Variants in LPA observed in about 807,000 individuals in gnomAD.
LPA encodes the protein lipoprotein(a).
A neutral mutation model predicts 197.9 loss-of-function variants in LPA; 199 were observed. That is an observed-to-expected ratio of 1.01 (90% CI 0.90 to 1.13). The LOEUF (loss-of-function observed/expected upper bound fraction) is 1.13, where lower values mean the gene tolerates loss of function less well. Ranked by LOEUF, LPA falls within the 50% of genes most tolerant of loss-of-function variation. LPA has a pLI of 0.00. For missense variants in LPA, 1,853 were observed against 1,785.8 expected (o/e 1.04, Z -0.68); for synonymous variants, 715 against 639.5 (o/e 1.12, Z -1.78).
chr6:160,610,676 G>A (rs779150271), intron 16 of LPA, among the ~76,000 whole-genome samples: 11 of 151,980 alleles, frequency 7.2e-5, no homozygotes, highest in East Asian at 5.8e-4. Context: ...TATTTGTAGC[G>A]GACCTAGAAA....
intron 30 of LPA, among the ~76,000 whole-genome samples, chr6:160,555,720 T>A (rs901542673): frequency 6.6e-6 from 1 of 151,940 alleles, no homozygotes; most frequent in Non-Finnish European, 1.5e-5. Context: ...AGTGCATTGA[T>A]CTTTTATGAG....
At chr6:160,563,626 A>G (rs1778399128) in intron 28 of LPA, among the ~76,000 whole-genome samples, 1 of 152,170 alleles carries the variant, frequency 6.6e-6, no homozygotes, top group Non-Finnish European at 1.5e-5. Flanking sequence ...TATCCTTGTT[A>G]ATTTTCTGTC....
At chr6:160,575,723 G>C (rs778915907) in intron 28 of LPA, among the ~76,000 whole-genome samples, 1 of 152,098 alleles carries the variant, frequency 6.6e-6, no homozygotes, top group Non-Finnish European at 1.5e-5. Context: ...AGTGCTTTGT[G>C]AGCTCTGCCA....
At position 160,593,851 on chromosome 6, in the gene LPA, C is replaced by A. The variant is rs1055394090; in HGVS notation, c.3629+107G>T. On this transcript the variant is annotated intron_variant, in intron 22 of 38. Coordinates refer to ENST00000316300, the MANE Select transcript of LPA (RefSeq NM_005577.4). The stretch of plus-strand genomic sequence containing the variant: ...AGCCTGAGACATTCTACCCAACATT[C>A]CAGATCTGAGATAAATTTGTCATAA... 4.3e-6 allele frequency: 6 copies of A among 1,384,108 alleles called. No homozygotes were observed. The African/African-American group carries it at 7.1e-5, about 16-fold the overall frequency. 85.7% of individuals were successfully genotyped at this position (1,384,108 alleles called of 1,614,324 possible).
At chr6:160,606,867 A>G (rs561604013) in intron 16 of LPA, among the ~76,000 whole-genome samples, 4 of 152,200 alleles carry the variant, frequency 2.6e-5, no homozygotes, top group Non-Finnish European at 5.9e-5. Context: ...TTATTATAAA[A>G]AAAAATCTAA....
In LPA at chr6:160,577,280, C is replaced by A. The variant is rs201290459; in HGVS notation, c.4487G>T (p.Ser1496Ile). Residue 1496 changes from serine (S) to isoleucine (I), a missense_variant, in exon 28 of 39, where the codon AGC (serine) becomes ATC (isoleucine). Transcript: ENST00000316300. ...APSEQAPPEK[S>I]PVVQDCYHGD... is the part of the protein sequence containing the mutation. ...ATGGTAGCAATCCTGGACCACAGGG[C>A]TTTTCTCAGGTGGTGCTGAAATTAA... 3,419 of 1,613,650 alleles carry A rather than the reference C, an allele frequency of 2.1e-3. 10 individuals carry two copies. Among genetic ancestry groups the A allele is most frequent in the Non-Finnish European group, 2.5e-3 (2,987 of 1,179,704 alleles).
At chr6:160,543,207 G>A (rs1049304818) in intron 33 of LPA, among the ~76,000 whole-genome samples, 1 of 152,136 alleles carries the variant, frequency 6.6e-6, no homozygotes, top group African/African-American at 2.4e-5. Context: ...ATGACTAACT[G>A]ACTGCTGTGG....
rs1419023916 is a variant in LPA, at chr6:160,576,384, ATATATG to A, written c.4631+746_4631+751del. 6.7e-4 allele frequency among the ~76,000 whole-genome samples: 49 copies of A among 72,994 alleles called. 1 individual carries two copies. Among genetic ancestry groups the A allele is most frequent in the Middle Eastern group, 7.0e-3 (1 of 142 alleles). The allele number at this position is 72,994 out of a possible 152,430, so 47.9% of individuals were successfully genotyped here. A position where few individuals can be genotyped will look rare whatever the true frequency, so the allele number is the denominator to read the frequency against. On this transcript the variant is annotated intron_variant, in intron 28 of 38. Coordinates refer to ENST00000316300, the MANE Select transcript of LPA (RefSeq NM_005577.4). ...TATATATACATATATATATATATATATATATGTATATATATATATATATATATATAT... is the reference window on the plus strand; with the variant it reads ...TATATATACATATATATATATATATATATATATATATATATATATATATAT...
In LPA at chr6:160,606,669, C is replaced by T. The variant is rs1392485335; in HGVS notation, c.2604-11G>A. 4.3e-6 allele frequency: 7 copies of T among 1,613,672 alleles called. No homozygotes were observed. The highest frequency in any genetic ancestry group is 4.0e-5 in the African/African-American group (3 of 74,862). ...TTCATGATCAAGCCACTGGAAATTC[C>T]AAAACGATACACGTCACAAGAGGTG... On this transcript the variant is annotated splice_polypyrimidine_tract_variant and intron_variant, in intron 16 of 38. Transcript: ENST00000316300.
chr6:160,584,090 C>T lies in LPA; in HGVS notation c.4289+956G>A, dbSNP rs1001341164. Among the ~76,000 whole-genome samples the T allele has an allele frequency of 1.7e-4, 26 of 152,066 alleles. 1 individual carries two copies. Among genetic ancestry groups the T allele is most frequent in the Non-Finnish European group, 4.4e-5 (3 of 68,014 alleles). On this transcript the variant is annotated intron_variant, in intron 26 of 38. Transcript: ENST00000316300. Reference sequence around the variant, plus strand: ...TTTACTCTGCCTGACAACCCATATCCCTTCAGAAAACTGGTGCTTAGAACC... The same window carrying T: ...TTTACTCTGCCTGACAACCCATATCTCTTCAGAAAACTGGTGCTTAGAACC...
At chr6:160,606,399 C>T in intron 17 of LPA, 78 bp downstream of exon 17, 2 of 1,554,956 alleles carry the variant, frequency 1.3e-6, no homozygotes, top group Non-Finnish European at 1.8e-6. Flanking sequence ...CCATTGGAGG[C>T]TGCTGCATCA....
chr6:160,540,207 A>G, intron 35 of LPA, 24 bp from the exon 36 acceptor site: 1 of 1,614,080 alleles, frequency 6.2e-7, no homozygotes, highest in Non-Finnish European at 8.5e-7. Context: ...GGATGTCAAG[A>G]GAAAAATATG....
chr6:160,567,162 A>T (rs1167929076), intron 28 of LPA, among the ~76,000 whole-genome samples: 2 of 152,126 alleles, frequency 1.3e-5, no homozygotes. Flanking sequence ...CATCTACAGA[A>T]CTCTCCACCC....
At chr6:160,655,791 C>T (rs1267075636) in intron 1 of LPA, among the ~76,000 whole-genome samples, 5 of 152,198 alleles carry the variant, frequency 3.3e-5, no homozygotes, top group Admixed American at 1.3e-4. Flanking sequence ...ATCCAATCAT[C>T]ATAATGTCAT....
At chr6:160,599,034 G>A (rs1193620721) in intron 20 of LPA, among the ~76,000 whole-genome samples, 1 of 152,168 alleles carries the variant, frequency 6.6e-6, no homozygotes, top group Non-Finnish European at 1.5e-5. Context: ...CTAGGAGGAA[G>A]GAGAGCCAGC....
chr6:160,613,316 C>T (rs1582887455), intron 14 of LPA, among the ~76,000 whole-genome samples: 1 of 98,042 alleles, frequency 1.0e-5, no homozygotes, highest in African/African-American at 4.3e-5. Flanking sequence ...TAGATTATTA[C>T]TATTTTTTTT....
chr6:160,555,602 T>C (rs1263520516), intron 30 of LPA, among the ~76,000 whole-genome samples: 1 of 151,336 alleles, frequency 6.6e-6, no homozygotes, highest in Non-Finnish European at 1.5e-5. Context: ...TGGTTATATA[T>C]ATACTCATAT....
At chr6:160,602,605 TCTC>T (rs1779265999) in intron 18 of LPA, among the ~76,000 whole-genome samples, 1 of 152,224 alleles carries the variant, frequency 6.6e-6, no homozygotes, top group Non-Finnish European at 1.5e-5. Flanking sequence ...TGCAGAAAGT[TCTC>T]CTCTTGAACT....
chr6:160,601,697 G>T (rs567451225), intron 18 of LPA, among the ~76,000 whole-genome samples: 13 of 152,206 alleles, frequency 8.5e-5, no homozygotes, highest in Admixed American at 7.9e-4. Flanking sequence ...TGTCGATACC[G>T]TATCAGGTGG....
Sources: allele counts gnomAD v4.1 joint callset (sites outside exome capture counted in the v4.1 genomes callset), GRCh38; gene constraint gnomAD v4.1.1; transcripts MANE v1.5; gene names NCBI Gene and HGNC (gene_info 2026-07-23, HGNC 2026-07-21).